The following MECOM variants were observed in gnomAD, a reference collection of about 807,000 sequenced individuals.
MECOM encodes the protein MDS1 and EVI1 complex locus.
MECOM carries 13 observed loss-of-function variants against 116.3 expected under a neutral mutation model. The ratio of observed to expected loss-of-function variants is 0.11; its 90% confidence interval spans 0.07 to 0.18. The LOEUF (loss-of-function observed/expected upper bound fraction) is 0.18. MECOM is among the 10% of genes least tolerant of loss of function. The pLI, the probability that MECOM is intolerant of heterozygous loss-of-function variation, is 1.00. For synonymous variants in MECOM, 528 were observed against 535.2 expected (o/e 0.99, Z 0.19); for missense variants, 1,299 against 1,509.0 (o/e 0.86, Z 2.31).
At position 169,644,450 on chromosome 3, in the gene MECOM, T is replaced by C. The variant is rs1278178022; in HGVS notation, c.37+18886A>G. On this transcript the variant is annotated intron_variant, in intron 1 of 16. Coordinates refer to ENST00000651503, the MANE Select transcript of MECOM (RefSeq NM_004991.4). ...TTTTGTATTTTTAGTAGAGACAGAG[T>C]TTTGCCATGTTGGCCAGGCTGGTCT... is the stretch of plus-strand genomic sequence containing the variant. Among the ~76,000 whole-genome samples, 3 of 152,002 alleles carry C rather than the reference T, an allele frequency of 2.0e-5. No homozygotes were observed. In the East Asian group the frequency reaches 5.8e-4, roughly 29 times the overall value.
At chr3:169,191,343 C>T (rs1046675310) in intron 2 of MECOM, among the ~76,000 whole-genome samples, 1 of 148,914 alleles carries the variant, frequency 6.7e-6, no homozygotes, top group African/African-American at 2.5e-5. Context: ...TAAAGAAGAG[C>T]ACCTGCCTGG....
intron 2 of MECOM, among the ~76,000 whole-genome samples, chr3:169,263,136 T>TG (rs1757808269): frequency 8.3e-6 from 1 of 120,874 alleles, no homozygotes; most frequent in East Asian, 2.4e-4. Flanking sequence ...TATGTTTTTT[T>TG]TTTTTTTTTT....
At chr3:169,378,101 T>C (rs1731350389) in intron 2 of MECOM, among the ~76,000 whole-genome samples, 1 of 151,396 alleles carries the variant, frequency 6.6e-6, no homozygotes, top group Admixed American at 6.6e-5. Flanking sequence ...ATGTTCTCAT[T>C]CATAAGTGGG....
At chr3:169,575,450 G>T (rs1213337279) in intron 1 of MECOM, among the ~76,000 whole-genome samples, 1 of 152,180 alleles carries the variant, frequency 6.6e-6, no homozygotes, top group Non-Finnish European at 1.5e-5. Context: ...TGTCTCCCCA[G>T]AGAGGAACAG....
intron 2 of MECOM, among the ~76,000 whole-genome samples, chr3:169,202,461 C>A (rs993089823): frequency 1.3e-5 from 2 of 151,876 alleles, no homozygotes; most frequent in African/African-American, 4.8e-5. Flanking sequence ...CTAGAGTTGG[C>A]CAGAAATTCT....
At chr3:169,532,328 A>G (rs1758752017) in intron 1 of MECOM, among the ~76,000 whole-genome samples, 1 of 152,338 alleles carries the variant, frequency 6.6e-6, no homozygotes, top group South Asian at 2.1e-4. Context: ...CTCAAGCCAG[A>G]CAAAGGTGTC....
chr3:169,366,955 A>G (rs1729265486), intron 2 of MECOM, among the ~76,000 whole-genome samples: 1 of 152,102 alleles, frequency 6.6e-6, no homozygotes, highest in South Asian at 2.1e-4. Context: ...AGGCATGGCA[A>G]GAATAAAAGA....
chr3:169,639,726 T>A (rs1408420597), intron 1 of MECOM, among the ~76,000 whole-genome samples: 1 of 152,208 alleles, frequency 6.6e-6, no homozygotes, highest in Non-Finnish European at 1.5e-5. Context: ...TTAAACATAA[T>A]TCACAGTTCA....
chr3:169,491,479 G>T lies in MECOM; in HGVS notation c.38-109955C>A, dbSNP rs145112734. 9.9e-5 allele frequency among the ~76,000 whole-genome samples: 15 copies of T among 152,152 alleles called. 1 individual carries two copies. Among genetic ancestry groups the T allele is most frequent in the African/African-American group, 3.6e-4 (15 of 41,538 alleles). ...CTAACATTATTTCACAAAAGAAAAGGCACTATAAAACAGAAAAATAAGAAT... is the reference window on the plus strand; with the variant it reads ...CTAACATTATTTCACAAAAGAAAAGTCACTATAAAACAGAAAAATAAGAAT... On this transcript the variant is annotated intron_variant, in intron 1 of 16. Transcript: ENST00000651503.
chr3:169,221,593 A>G (rs1376545413), intron 2 of MECOM, among the ~76,000 whole-genome samples: 1 of 150,140 alleles, frequency 6.7e-6, no homozygotes, highest in Non-Finnish European at 1.5e-5. Flanking sequence ...AGCCAGTGGC[A>G]GCTCCTGGAA....
At chr3:169,417,083 C>A (rs1401081377) in intron 1 of MECOM, among the ~76,000 whole-genome samples, 1 of 151,632 alleles carries the variant, frequency 6.6e-6, no homozygotes, top group Non-Finnish European at 1.5e-5. Flanking sequence ...AAAGCAATGG[C>A]AACAAAAGCC....
chr3:169,532,648 T>C (rs957158018), intron 1 of MECOM, among the ~76,000 whole-genome samples: 2 of 152,176 alleles, frequency 1.3e-5, no homozygotes, highest in Non-Finnish European at 2.9e-5. Context: ...AGACCACTGC[T>C]TCTGTGAAAT....
chr3:169,461,177 G>A (rs1221384679), intron 1 of MECOM, among the ~76,000 whole-genome samples: 2 of 151,982 alleles, frequency 1.3e-5, no homozygotes, highest in Admixed American at 6.6e-5. Flanking sequence ...TTCCACTTGC[G>A]CCACCCCTAC....
intron 1 of MECOM, among the ~76,000 whole-genome samples, chr3:169,593,010 CATTT>C (rs1356704235): frequency 2.6e-5 from 4 of 152,072 alleles, no homozygotes; most frequent in Admixed American, 6.5e-5. Flanking sequence ...ATTTATTATT[CATTT>C]GTTTGTTTAC....
In MECOM at chr3:169,391,939, A is replaced by G. The variant is rs180930630; in HGVS notation, c.38-10415T>C. 2.0e-5 allele frequency among the ~76,000 whole-genome samples: 3 copies of G among 152,322 alleles called. No homozygotes were observed. In the East Asian group the frequency reaches 5.8e-4, roughly 29 times the overall value. On this transcript the variant is annotated intron_variant, in intron 1 of 16. Coordinates refer to ENST00000651503, the MANE Select transcript of MECOM (RefSeq NM_004991.4). ...AATGGGAACTGACTTTCAAAAAAAA[A>G]TGCATTCAGGGCCTCTTCTATATAA...
chr3:169,395,681 T>A (rs972534083), intron 1 of MECOM, among the ~76,000 whole-genome samples: 3 of 152,172 alleles, frequency 2.0e-5, no homozygotes, highest in Non-Finnish European at 4.4e-5. Context: ...TAATCCATAT[T>A]TATGTCCTTT....
intron 12 of MECOM, among the ~76,000 whole-genome samples, chr3:169,096,635 T>G (rs1024678401): frequency 6.6e-6 from 1 of 152,108 alleles, no homozygotes; most frequent in Admixed American, 6.5e-5. Context: ...CATCCTTCCA[T>G]GTGTGAAGGG....
intron 2 of MECOM, among the ~76,000 whole-genome samples, chr3:169,268,503 A>T (rs946609961): frequency 1.3e-5 from 2 of 152,308 alleles, no homozygotes; most frequent in Admixed American, 6.5e-5. Flanking sequence ...GATAAATATG[A>T]TCTGTGCTGT....
chr3:169,213,283 A>C lies in MECOM; in HGVS notation c.376-69451T>G, dbSNP rs143415782. 3.3e-5 allele frequency among the ~76,000 whole-genome samples: 5 copies of C among 152,210 alleles called. No individual in the cohort carries two copies. In the East Asian group the frequency reaches 9.6e-4, roughly 29 times the overall value. ...GTCTTTATAGAAGTGAAAAATATGC[A>C]TGTAAAAAGTAGAGTTAGGTTTGGC... On this transcript the variant is annotated intron_variant, in intron 2 of 16. Coordinates refer to ENST00000651503, the MANE Select transcript of MECOM (RefSeq NM_004991.4).
Sources: allele counts gnomAD v4.1 joint callset (sites outside exome capture counted in the v4.1 genomes callset), GRCh38; gene constraint gnomAD v4.1.1; transcripts MANE v1.5; gene names NCBI Gene and HGNC (gene_info 2026-07-23, HGNC 2026-07-21).